CNTN4: variants seen among roughly 807,000 people sequenced by gnomAD.
CNTN4 encodes contactin-4.
In CNTN4, 77 loss-of-function variants were observed where a neutral mutation model predicts 122.5. The observed-to-expected ratio is 0.63, with a 90% CI of 0.52 to 0.76. The LOEUF is 0.76. CNTN4 is among the 30% of genes least tolerant of loss of function. The probability of loss-of-function intolerance (pLI) is 0.00; values close to 1 mark genes in which losing one functional copy is unlikely to be tolerated. For synonymous variants in CNTN4, 512 were observed against 447.0 expected (o/e 1.15, Z -1.83); for missense variants, 1,256 against 1,259.1 (o/e 1.00, Z 0.04).
At chr3:2,547,089 G>T (rs1350182590) in intron 3 of CNTN4, among the ~76,000 whole-genome samples, 1 of 151,882 alleles carries the variant, frequency 6.6e-6, no homozygotes, top group Non-Finnish European at 1.5e-5. Flanking sequence ...TAAAGGGAAT[G>T]AGAAAGCTAA....
intron 2 of CNTN4, among the ~76,000 whole-genome samples, chr3:2,102,534 C>A (rs1262058268): frequency 6.6e-6 from 1 of 152,040 alleles, no homozygotes; most frequent in Non-Finnish European, 1.5e-5. Context: ...TGTGTGAAGT[C>A]CCAGAATGGG....
At chr3:2,689,538 C>T (rs2085615372) in intron 4 of CNTN4, among the ~76,000 whole-genome samples, 1 of 152,062 alleles carries the variant, frequency 6.6e-6, no homozygotes, top group Non-Finnish European at 1.5e-5. Flanking sequence ...TGCCAGAGAC[C>T]ACCTGCTTTT....
intron 10 of CNTN4, among the ~76,000 whole-genome samples, chr3:2,890,602 A>C (rs903461307): frequency 1.3e-5 from 2 of 152,142 alleles, no homozygotes; most frequent in Admixed American, 1.3e-4. Context: ...TCCTTCTTGC[A>C]TTAAAACCAT....
At chr3:2,670,791 G>C (rs978788249) in intron 4 of CNTN4, among the ~76,000 whole-genome samples, 1 of 152,088 alleles carries the variant, frequency 6.6e-6, no homozygotes, top group Non-Finnish European at 1.5e-5. Flanking sequence ...CAGGCCTGGT[G>C]GTGACAAAAT....
intron 4 of CNTN4, among the ~76,000 whole-genome samples, chr3:2,595,356 C>G (rs1252804145): frequency 6.6e-6 from 1 of 152,156 alleles, no homozygotes; most frequent in Non-Finnish European, 1.5e-5. Context: ...AAAAATTCCA[C>G]AATGTCACAT....
chr3:3,028,458 A>G (rs988076330), intron 15 of CNTN4, among the ~76,000 whole-genome samples: 1 of 152,174 alleles, frequency 6.6e-6, no homozygotes, highest in African/African-American at 2.4e-5. Context: ...TCCAGTCAAA[A>G]TGTGTAAATA....
At chr3:2,739,326 C>T (rs1489549296) in intron 5 of CNTN4, among the ~76,000 whole-genome samples, 1 of 151,440 alleles carries the variant, frequency 6.6e-6, no homozygotes, top group Non-Finnish European at 1.5e-5. Flanking sequence ...AAAAAAAACA[C>T]TCCCTAGTAA....
chr3:2,300,236 C>A (rs1012805366), intron 2 of CNTN4, among the ~76,000 whole-genome samples: 1 of 152,152 alleles, frequency 6.6e-6, no homozygotes, highest in Non-Finnish European at 1.5e-5. Context: ...AGCTCATTTT[C>A]TATCATTTCA....
At chr3:3,040,306 ATAT>A in intron 20 of CNTN4, 35 bp downstream of exon 20, 1 of 1,462,388 alleles carries the variant, frequency 6.8e-7, no homozygotes, top group Non-Finnish European at 9.6e-7. Context: ...TTGACTGTTA[ATAT>A]TTCTTCAATT....
intron 13 of CNTN4, among the ~76,000 whole-genome samples, chr3:2,981,439 G>A (rs565599206): frequency 3.4e-4 from 52 of 152,036 alleles, no homozygotes; most frequent in Admixed American, 1.4e-3. Flanking sequence ...GCGAGACTCC[G>A]TCTCAAAAAA....
intron 3 of CNTN4, among the ~76,000 whole-genome samples, chr3:2,359,226 C>T (rs1275460388): frequency 6.6e-6 from 1 of 151,976 alleles, no homozygotes; most frequent in Non-Finnish European, 1.5e-5. Context: ...TGTGAGTCTA[C>T]AGTAGAGTCA....
intron 7 of CNTN4, among the ~76,000 whole-genome samples, chr3:2,824,980 A>C (rs1027610639): frequency 1.3e-5 from 2 of 152,162 alleles, no homozygotes; most frequent in African/African-American, 4.8e-5. Flanking sequence ...ATAATTCAAA[A>C]TAAAATGTAG....
At chr3:2,882,910 A>G (rs1483242790) in intron 8 of CNTN4, 2 of 453,984 alleles carry the variant, frequency 4.4e-6, no homozygotes, top group South Asian at 2.1e-5. Flanking sequence ...AGTTGTATGC[A>G]TGGAGAATTT....
intron 2 of CNTN4, among the ~76,000 whole-genome samples, chr3:2,335,397 T>A (rs2043908670): frequency 6.6e-6 from 1 of 152,176 alleles, no homozygotes; most frequent in African/African-American, 2.4e-5. Context: ...AAACAACAGC[T>A]AAAGGTAGGA....
chr3:2,164,945 A>G (rs116829051), intron 2 of CNTN4, among the ~76,000 whole-genome samples: 126 of 152,308 alleles, frequency 8.3e-4, no homozygotes, highest in Non-Finnish European at 1.5e-3. Flanking sequence ...ATATATCACA[A>G]ATAGGTCACA....
At chr3:2,636,229 G>A (rs1035265779) in intron 4 of CNTN4, among the ~76,000 whole-genome samples, 1 of 152,180 alleles carries the variant, frequency 6.6e-6, no homozygotes, top group African/African-American at 2.4e-5. Flanking sequence ...CCACCTATTA[G>A]GAGGAAGAGG....
chr3:2,759,165 T>C (rs1401353977), intron 6 of CNTN4, among the ~76,000 whole-genome samples: 1 of 152,002 alleles, frequency 6.6e-6, no homozygotes, highest in African/African-American at 2.4e-5. Context: ...TTCTTTTTTC[T>C]TTTTTTTGAG....
chr3:2,315,067 A>G (rs917656507), intron 2 of CNTN4, among the ~76,000 whole-genome samples: 38 of 152,092 alleles, frequency 2.5e-4, no homozygotes, highest in African/African-American at 9.2e-4. Flanking sequence ...AATGTACATC[A>G]AAAAGAAACA....
chr3:2,121,734 C>T (rs1041045303), intron 2 of CNTN4, among the ~76,000 whole-genome samples: 2 of 152,068 alleles, frequency 1.3e-5, no homozygotes, highest in Non-Finnish European at 2.9e-5. Flanking sequence ...GGTAATTATC[C>T]ATATAATTTG....
Sources: allele counts gnomAD v4.1 joint callset (sites outside exome capture counted in the v4.1 genomes callset), GRCh38; gene constraint gnomAD v4.1.1; transcripts MANE v1.5; gene names NCBI Gene and HGNC (gene_info 2026-07-23, HGNC 2026-07-21).